DACH2: variants seen among roughly 807,000 people sequenced by gnomAD.
The protein encoded by DACH2 is dachshund family transcription factor 2, also known as dachshund homolog 2.
A neutral mutation model predicts 35.8 loss-of-function variants in DACH2; 17 were observed. The ratio of observed to expected loss-of-function variants is 0.48; its 90% confidence interval spans 0.33 to 0.71. DACH2 has a LOEUF of 0.71. DACH2 is among the 30% of genes least tolerant of loss of function. The pLI is 0.02. For synonymous variants in DACH2, 195 were observed against 177.3 expected, an observed-to-expected ratio of 1.10 and a Z score of -0.79; for missense variants, 469 against 472.7, an observed-to-expected ratio of 0.99 and a Z score of 0.07.
At chrX:86,627,496 A>G (rs1247142996) in intron 3 of DACH2, among the ~76,000 whole-genome samples, 1 of 111,717 alleles carries the variant, frequency 9.0e-6, no homozygotes, top group Non-Finnish European at 1.9e-5. Flanking sequence ...ATCTCAAAAC[A>G]TGTGGATATA....
chrX:86,323,658 A>G (rs571008925), intron 1 of DACH2, among the ~76,000 whole-genome samples: 56 of 112,138 alleles, frequency 5.0e-4, no homozygotes, highest in African/African-American at 1.7e-3. Flanking sequence ...GGGTCAGCCT[A>G]GGAGCCTGTG....
intron 3 of DACH2, among the ~76,000 whole-genome samples, chrX:86,530,954 A>G (rs949956113): frequency 8.9e-6 from 1 of 112,041 alleles, no homozygotes; most frequent in African/African-American, 3.2e-5. Context: ...CACTCTTGCT[A>G]TGCTTTAGCT....
At chrX:86,204,596 C>T (rs1036819560) in intron 1 of DACH2, among the ~76,000 whole-genome samples, 2 of 111,578 alleles carry the variant, frequency 1.8e-5, no homozygotes, top group Non-Finnish European at 3.8e-5. Flanking sequence ...GAATGAGTTG[C>T]GTCAGTTGAC....
intron 7 of DACH2, among the ~76,000 whole-genome samples, chrX:86,748,383 G>A (rs763320664): frequency 3.6e-5 from 4 of 111,880 alleles, no homozygotes; most frequent in Non-Finnish European, 7.5e-5. Flanking sequence ...CTTAAATAAC[G>A]AAACTCGAAA....
chrX:86,633,630 C>T (rs1025761678), intron 3 of DACH2, among the ~76,000 whole-genome samples: 6 of 111,178 alleles, frequency 5.4e-5, no homozygotes, highest in Non-Finnish European at 7.5e-5. Flanking sequence ...TCCTGAATTC[C>T]GAAGACAGAC....
At chrX:86,825,164 C>T (rs1027931971) in intron 11 of DACH2, among the ~76,000 whole-genome samples, 43 of 111,560 alleles carry the variant, frequency 3.9e-4, no homozygotes, top group African/African-American at 1.4e-3. Flanking sequence ...TCTGTAATCC[C>T]AGCACTTTGG....
chrX:86,246,081 A>G (rs757104901), intron 1 of DACH2, among the ~76,000 whole-genome samples: 5 of 111,577 alleles, frequency 4.5e-5, no homozygotes, highest in Non-Finnish European at 9.4e-5. Context: ...GGGCTTGAAG[A>G]CTGGTTCTTT....
chrX:86,583,691 T>C (rs1283916133), intron 3 of DACH2, among the ~76,000 whole-genome samples: 1 of 109,966 alleles, frequency 9.1e-6, no homozygotes, highest in Non-Finnish European at 1.9e-5. Flanking sequence ...TTTTAGACTG[T>C]TAATGTGGTG....
At chrX:86,804,456 A>G (rs1961210) in intron 7 of DACH2, among the ~76,000 whole-genome samples, 19,397 of 110,942 alleles carry the variant, frequency 0.17, 1,351 homozygotes, top group South Asian at 0.4. Flanking sequence ...AAATGTAGGT[A>G]AGGACACAGA....
rs57740362 is a variant in DACH2, at chrX:86,234,619, AT to A, written c.488+85523del. ...TCTACTTTATTTATATTTTAATTTAATTTTTTTTTTTTGAGACAGAGTCTTG... is the reference window on the plus strand; with the variant it reads ...TCTACTTTATTTATATTTTAATTTAATTTTTTTTTTTGAGACAGAGTCTTG... On this transcript the variant is annotated intron_variant, in intron 1 of 11. Coordinates refer to ENST00000373125, the MANE Select transcript of DACH2 (RefSeq NM_053281.3). Among the ~76,000 whole-genome samples, 759 of 101,691 alleles carry A rather than the reference AT, an allele frequency of 7.5e-3. 6 individuals are homozygous for A. The highest frequency in any genetic ancestry group is 0.024 in the African/African-American group (675 of 27,856). 88.3% of individuals were successfully genotyped at this position (101,691 alleles called of 115,157 possible).
intron 1 of DACH2, among the ~76,000 whole-genome samples, chrX:86,285,868 T>G (rs1250488509): frequency 9.0e-6 from 1 of 111,133 alleles, no homozygotes; most frequent in Non-Finnish European, 1.9e-5. Flanking sequence ...GTATATATAT[T>G]TAAATTGTAT....
At chrX:86,590,477 T>C (rs967938977) in intron 3 of DACH2, among the ~76,000 whole-genome samples, 6 of 111,973 alleles carry the variant, frequency 5.4e-5, no homozygotes, top group African/African-American at 1.9e-4. Context: ...TTGAAGGACA[T>C]CTTAGTTGCT....
intron 3 of DACH2, among the ~76,000 whole-genome samples, chrX:86,582,878 C>T (rs142075324): frequency 0.065 from 7,210 of 110,267 alleles, 609 homozygotes; most frequent in African/African-American, 0.23. Context: ...GGAAGCATCA[C>T]GCTGATGCCA....
chrX:86,832,400 C>T lies in DACH2; in HGVS notation c.*245C>T, dbSNP rs1468943412. 1 of 334,373 alleles carries T rather than the reference C, an allele frequency of 3.0e-6. No individual in the cohort carries two copies. Among genetic ancestry groups the T allele is most frequent in the Non-Finnish European group, 5.1e-6 (1 of 194,887 alleles). 27.6% of individuals were successfully genotyped at this position (334,373 alleles called of 1,213,427 possible). A position where few individuals can be genotyped will look rare whatever the true frequency, so the allele number is the denominator to read the frequency against. Reference sequence around the variant, plus strand: ...AACTAAAACCTAATGGCTAAAGTAACTTGACCATATTTGATGCTTTTCTAT... The same window carrying T: ...AACTAAAACCTAATGGCTAAAGTAATTTGACCATATTTGATGCTTTTCTAT... On this transcript the variant is annotated 3_prime_UTR_variant, in exon 12 of 12. Coordinates refer to ENST00000373125, the MANE Select transcript of DACH2 (RefSeq NM_053281.3).
Position 86,169,232 on chromosome X carries a change from C to T in DACH2, c.488+20124C>T, listed in dbSNP as rs964589123. The stretch of plus-strand genomic sequence containing the variant: ...TTAAATATGTTCTGCCACTTTCTCC[C>T]GGCCTGTAAGGTTTCCACTGAATAG... On this transcript the variant is annotated intron_variant, in intron 1 of 11. Transcript: ENST00000373125. 1.4e-4 allele frequency among the ~76,000 whole-genome samples: 16 copies of T among 111,585 alleles called. No individual in the cohort carries two copies. In the East Asian group the frequency reaches 3.4e-3, roughly 24 times the overall value.
intron 3 of DACH2, among the ~76,000 whole-genome samples, chrX:86,608,342 T>G (rs764592054): frequency 1.8e-5 from 2 of 111,822 alleles, no homozygotes. Flanking sequence ...GTTCAACCAT[T>G]GTGGAATTCA....
Position 86,576,315 on chromosome X carries a change from G to A in DACH2, c.640+61924G>A, listed in dbSNP as rs187122526. On this transcript the variant is annotated intron_variant, in intron 3 of 11. Transcript: ENST00000373125. ...TGTGAATGCTAGGTACAAGAAAATA[G>A]TACCTGATTTTGCCTAATATGCATT... Among the ~76,000 whole-genome samples, 10 of 111,850 alleles carry A rather than the reference G, an allele frequency of 8.9e-5. No individual in the cohort carries two copies. In the East Asian group the frequency reaches 2.8e-3, roughly 32 times the overall value.
intron 1 of DACH2, among the ~76,000 whole-genome samples, chrX:86,233,732 G>T (rs1203592859): frequency 1.8e-5 from 2 of 111,893 alleles, no homozygotes; most frequent in African/African-American, 3.3e-5. Context: ...GTTCCACATG[G>T]TTGGGGAGGC....
intron 2 of DACH2, among the ~76,000 whole-genome samples, chrX:86,453,175 T>G (rs2148199652): frequency 8.9e-6 from 1 of 112,122 alleles, no homozygotes; most frequent in South Asian, 3.6e-4. Flanking sequence ...TGCTGTGGTC[T>G]GAAAGACTGT....
Sources: gnomAD v4.1 joint callset for allele counts (sites outside exome capture counted in the v4.1 genomes callset) on GRCh38, gnomAD v4.1.1 for gene constraint, MANE v1.5 for transcripts, NCBI Gene and HGNC (gene_info 2026-07-23, HGNC 2026-07-21) for gene names.